The following PARG variants were observed in gnomAD, a reference collection of about 807,000 sequenced individuals.
The protein encoded by PARG is poly(ADP-ribose) glycohydrolase.
Under a neutral mutation model 113.0 loss-of-function variants are expected in PARG, and 35 were observed. That is an observed-to-expected ratio of 0.31 (90% CI 0.24 to 0.41). The LOEUF is 0.41. Ranked by LOEUF, PARG falls within the 10% of genes least tolerant of loss-of-function variation. PARG has a pLI of 1.00. For synonymous variants in PARG, 330 were observed against 409.9 expected (o/e 0.81, Z 2.36); for missense variants, 797 against 1,169.4 (o/e 0.68, Z 4.64).
intron 4 of PARG, among the ~76,000 whole-genome samples, chr10:49,926,950 G>T (rs541725602): frequency 1.3e-5 from 2 of 152,108 alleles, no homozygotes; most frequent in African/African-American, 4.8e-5. Flanking sequence ...GTCAGTGTCG[G>T]TGTTTGGCTT....
intron 7 of PARG, chr10:49,908,414 T>C (rs1416571559): frequency 3.3e-5 from 5 of 152,184 alleles, no homozygotes; most frequent in African/African-American, 4.8e-5. Context: ...TTGGCTCCTA[T>C]AGTTCTCATG....
At chr10:49,912,174 C>A (rs1355135569) in intron 7 of PARG, among the ~76,000 whole-genome samples, 1 of 151,716 alleles carries the variant, frequency 6.6e-6, no homozygotes. Context: ...GTGGTGCATG[C>A]CTGTAGTCCC....
At chr10:49,825,205 G>T (rs1027487703) in intron 16 of PARG, among the ~76,000 whole-genome samples, 1 of 152,032 alleles carries the variant, frequency 6.6e-6, no homozygotes, top group Non-Finnish European at 1.5e-5. Context: ...TTGTCCTCTG[G>T]CTACTGTTTT....
intron 7 of PARG, among the ~76,000 whole-genome samples, chr10:49,902,395 A>G (rs189945707): frequency 5.9e-5 from 9 of 152,318 alleles, no homozygotes; most frequent in African/African-American, 1.7e-4. Flanking sequence ...CACATAAAAC[A>G]TTAAGAAGTC....
At position 49,934,117 on chromosome 10, in the gene PARG, T is replaced by C; in HGVS notation, c.331A>G (p.Ser111Gly). The C allele has an allele frequency of 2.5e-6, 3 of 1,178,174 alleles. No individual in the cohort carries two copies. Among genetic ancestry groups the C allele is most frequent in the Non-Finnish European group, 3.8e-6 (3 of 781,752 alleles). 73.0% of individuals were successfully genotyped at this position (1,178,174 alleles called of 1,614,324 possible). A position where few individuals can be genotyped will look rare whatever the true frequency, so the allele number is the denominator to read the frequency against. Reference sequence around the variant, plus strand: ...TAAAAGTTATCTTTTTGTACAGAACTCATCATGGATTCTATTCTTGTATTG... The same window carrying C: ...TAAAAGTTATCTTTTTGTACAGAACCCATCATGGATTCTATTCTTGTATTG... ...NNNTRIESMMSSVQKDNFYQH... is the reference protein window; with the variant it reads ...NNNTRIESMMGSVQKDNFYQH... The change falls in exon 3 of 18, where the codon AGT becomes GGT. Residue 111 changes from serine (S) to glycine (G), a missense_variant. Transcript: ENST00000616448.
intron 15 of PARG, among the ~76,000 whole-genome samples, chr10:49,837,271 A>C (rs1844986154): frequency 6.6e-6 from 1 of 152,164 alleles, no homozygotes. Flanking sequence ...TAAAAGTAGC[A>C]AACAGGTCCC....
At chr10:49,921,935 T>C (rs1837895872) in intron 6 of PARG, among the ~76,000 whole-genome samples, 1 of 152,178 alleles carries the variant, frequency 6.6e-6, no homozygotes, top group African/African-American at 2.4e-5. Flanking sequence ...ATGCTTAACA[T>C]ATACTTTAAT....
intron 13 of PARG, among the ~76,000 whole-genome samples, chr10:49,847,050 T>G (rs1845545551): frequency 6.6e-6 from 1 of 151,362 alleles, no homozygotes; most frequent in Non-Finnish European, 1.5e-5. Flanking sequence ...CAATGGATCA[T>G]AATCCACTGA....
At chr10:49,841,339 G>A (rs1845227779) in intron 15 of PARG, among the ~76,000 whole-genome samples, 1 of 152,144 alleles carries the variant, frequency 6.6e-6, no homozygotes, top group Non-Finnish European at 1.5e-5. Context: ...GCTGTTTTGG[G>A]AAAGCCCAAA....
chr10:49,853,265 T>C (rs2132502546), intron 13 of PARG, among the ~76,000 whole-genome samples: 1 of 151,962 alleles, frequency 6.6e-6, no homozygotes, highest in East Asian at 2.0e-4. Flanking sequence ...CTCAATCTCC[T>C]GACCTCATGA....
intron 4 of PARG, among the ~76,000 whole-genome samples, chr10:49,926,338 C>A (rs1393306164): frequency 6.6e-6 from 1 of 151,794 alleles, no homozygotes; most frequent in African/African-American, 2.4e-5. Context: ...ACCTATCTAG[C>A]CTTGAGAAGT....
chr10:49,890,083 T>C (rs1303190925), intron 7 of PARG, among the ~76,000 whole-genome samples: 1 of 152,122 alleles, frequency 6.6e-6, no homozygotes, highest in Non-Finnish European at 1.5e-5. Context: ...CCATAACAAT[T>C]AAAGAAAAAT....
At chr10:49,920,463 A>AAAAAAT (rs1431747248) in intron 6 of PARG, among the ~76,000 whole-genome samples, 12 of 47,984 alleles carry the variant, frequency 2.5e-4, no homozygotes, top group African/African-American at 3.5e-4. Context: ...AAAAAAAAAA[A>AAAAAAT]ATATATATAT....
intron 6 of PARG, among the ~76,000 whole-genome samples, chr10:49,921,749 A>T (rs1275773390): frequency 2.0e-5 from 3 of 151,676 alleles, no homozygotes; most frequent in Non-Finnish European, 4.4e-5. Flanking sequence ...AAATATAAAT[A>T]TATATATATA....
In PARG at chr10:49,898,617, G is replaced by GA. The variant is rs1433487608; in HGVS notation, c.1738-13323dup. Among the ~76,000 whole-genome samples the GA allele has an allele frequency of 9.2e-5, 14 of 151,714 alleles. No individual in the cohort carries two copies. The South Asian group carries it at 2.1e-3, about 23-fold the overall frequency. On this transcript the variant is annotated intron_variant, in intron 7 of 17. Coordinates refer to ENST00000616448, the MANE Select transcript of PARG (RefSeq NM_003631.5). The stretch of plus-strand genomic sequence containing the variant: ...CTAACAGTCAAGCTCCCTTACCCTA[G>GA]ATTCTTATCTAGTCTCATTCAGCAC...
intron 16 of PARG, 66 bp from the exon 17 acceptor site, chr10:49,820,359 A>T (rs1844010666): frequency 8.7e-7 from 1 of 1,153,640 alleles, no homozygotes; most frequent in Non-Finnish European, 1.2e-6. Context: ...TTAGCTCTTT[A>T]CCAGCTGGTG....
intron 13 of PARG, among the ~76,000 whole-genome samples, chr10:49,853,660 A>C (rs1845860014): frequency 6.6e-6 from 1 of 152,086 alleles, no homozygotes; most frequent in Admixed American, 6.5e-5. Context: ...TAATCTCAGA[A>C]TTCTGAATGC....
Position 49,906,144 on chromosome 10 carries a change from C to CTTTTTTTT in PARG, c.1737+9765_1737+9772dup, listed in dbSNP as rs71471360. 5.2e-3 allele frequency among the ~76,000 whole-genome samples: 574 copies of CTTTTTTTT among 110,738 alleles called. 4 individuals are homozygous for CTTTTTTTT. The highest frequency in any genetic ancestry group is 0.025 in the South Asian group (82 of 3,292). The allele number at this position is 110,738 out of a possible 152,430, so 72.6% of individuals were successfully genotyped here. On this transcript the variant is annotated intron_variant, in intron 7 of 17. Coordinates refer to ENST00000616448, the MANE Select transcript of PARG (RefSeq NM_003631.5). ...TTTCCCTGAGGCTGTGATGCTGCCG[C>CTTTTTTTT]TTTTTTTTTTTTTTTCCCAGTAGAA...
At chr10:49,930,969 A>C (rs1188218222) in intron 4 of PARG, among the ~76,000 whole-genome samples, 22 of 129,276 alleles carry the variant, frequency 1.7e-4, no homozygotes, top group Non-Finnish European at 2.7e-4. Flanking sequence ...AAAATGGGTG[A>C]ATTTTTATAT....
Sources: gnomAD v4.1 joint callset for allele counts (sites outside exome capture counted in the v4.1 genomes callset) on GRCh38, gnomAD v4.1.1 for gene constraint, MANE v1.5 for transcripts, NCBI Gene and HGNC (gene_info 2026-07-23, HGNC 2026-07-21) for gene names.